EYS: variants seen among roughly 807,000 people sequenced by gnomAD.
EYS encodes the protein protein eyes shut homolog.
In EYS, 250 loss-of-function variants were observed where a neutral mutation model predicts 282.1. The ratio of observed to expected loss-of-function variants is 0.89; its 90% CI spans 0.80 to 0.98. EYS has a LOEUF of 0.98. Among genes scored for constraint, EYS ranks in the 50% least tolerant of loss-of-function variants. The pLI, the probability that EYS is intolerant of heterozygous loss-of-function variation, is 0.00. For missense variants in EYS, 4,016 were observed against 3,709.0 expected (o/e 1.08, Z -2.15); for synonymous variants, 1,355 against 1,282.9 (o/e 1.06, Z -1.20).
chr6:64,932,653 C>G (rs2150087925), intron 15 of EYS, among the ~76,000 whole-genome samples: 1 of 152,038 alleles, frequency 6.6e-6, no homozygotes, highest in Non-Finnish European at 1.5e-5. Context: ...CCTTGAGGCT[C>G]TATACAAGCA....
chr6:63,873,874 T>C (rs1040997665), intron 35 of EYS, among the ~76,000 whole-genome samples: 3 of 152,144 alleles, frequency 2.0e-5, no homozygotes, highest in African/African-American at 7.2e-5. Context: ...GTTTAAGTTC[T>C]TTGTAGATTC....
At chr6:64,769,362 C>T (rs1773456084) in intron 22 of EYS, among the ~76,000 whole-genome samples, 1 of 152,004 alleles carries the variant, frequency 6.6e-6, no homozygotes, top group Non-Finnish European at 1.5e-5. Flanking sequence ...TATTTGAATA[C>T]AACTCTATAG....
intron 12 of EYS, among the ~76,000 whole-genome samples, chr6:65,140,398 GTTTA>G (rs1764299016): frequency 1.3e-5 from 2 of 151,996 alleles, no homozygotes; most frequent in Admixed American, 1.3e-4. Context: ...TATAACAACA[GTTTA>G]TAAGATGTAA....
At chr6:63,924,342 G>A (rs141698506) in intron 35 of EYS, among the ~76,000 whole-genome samples, 72 of 152,268 alleles carry the variant, frequency 4.7e-4, no homozygotes, top group African/African-American at 1.6e-3. Flanking sequence ...CCCTTGAAAT[G>A]CTTCGTGTGG....
intron 7 of EYS, among the ~76,000 whole-genome samples, chr6:65,397,202 T>G (rs1331947250): frequency 6.6e-6 from 1 of 151,994 alleles, no homozygotes; most frequent in African/African-American, 2.4e-5. Context: ...ATTTATTTAT[T>G]TATTTTACAT....
chr6:64,858,460 T>C (rs1766136468), intron 19 of EYS, among the ~76,000 whole-genome samples: 1 of 152,100 alleles, frequency 6.6e-6, no homozygotes, highest in Non-Finnish European at 1.5e-5. Context: ...TTGATGTGTC[T>C]CTCTTTTTAT....
intron 14 of EYS, among the ~76,000 whole-genome samples, chr6:64,947,151 G>C (rs968252621): frequency 1.3e-5 from 2 of 151,706 alleles, no homozygotes; most frequent in African/African-American, 4.8e-5. Flanking sequence ...AATTAATGTT[G>C]ATTAAATAAA....
At chr6:64,565,054 T>A (rs1765521566) in intron 26 of EYS, among the ~76,000 whole-genome samples, 1 of 152,306 alleles carries the variant, frequency 6.6e-6, no homozygotes, top group East Asian at 1.9e-4. Context: ...GTATTTTGGA[T>A]GTTATCTTCT....
intron 22 of EYS, among the ~76,000 whole-genome samples, chr6:64,656,444 T>C (rs911004100): frequency 6.6e-6 from 1 of 152,120 alleles, no homozygotes; most frequent in Non-Finnish European, 1.5e-5. Flanking sequence ...AAGACAGGAA[T>C]ACCTTAGTTG....
At chr6:63,886,516 T>C (rs979902420) in intron 35 of EYS, among the ~76,000 whole-genome samples, 5 of 152,220 alleles carry the variant, frequency 3.3e-5, no homozygotes, top group African/African-American at 1.2e-4. Context: ...GAAGTAATGC[T>C]ATGCAAGTTT....
intron 22 of EYS, among the ~76,000 whole-genome samples, chr6:64,764,334 C>G (rs1196083434): frequency 6.6e-6 from 1 of 152,218 alleles, no homozygotes; most frequent in African/African-American, 2.4e-5. Flanking sequence ...TCTGCAGGCC[C>G]AACACCACGT....
chr6:64,103,952 A>G (rs1167745977), intron 31 of EYS, among the ~76,000 whole-genome samples: 1 of 152,162 alleles, frequency 6.6e-6, no homozygotes, highest in Non-Finnish European at 1.5e-5. Context: ...AAGGTGAAAC[A>G]GCAAAGTTTT....
chr6:65,314,563 T>TGTGTGTGTGC (rs1769249582), intron 11 of EYS, among the ~76,000 whole-genome samples: 1 of 18,136 alleles, frequency 5.5e-5, no homozygotes, highest in African/African-American at 1.4e-4. Flanking sequence ...CCCCTTATGG[T>TGTGTGTGTGC]GTGTGTGTGT....
chr6:64,065,626 T>C lies in EYS; in HGVS notation c.6725+712A>G, dbSNP rs537774808. Among the ~76,000 whole-genome samples the C allele has an allele frequency of 4.1e-4, 62 of 152,312 alleles. No homozygotes were observed. The Middle Eastern group carries it at 0.017, about 42-fold the overall frequency. ...TTTTCTACTGAGTTTTCTTTTTTTG[T>C]GCAGTCAATGGCTCCCACTAACCAA... On this transcript the variant is annotated intron_variant, in intron 33 of 42. Transcript: ENST00000503581.
At chr6:64,279,288 A>C (rs1768221851) in intron 30 of EYS, among the ~76,000 whole-genome samples, 1 of 152,250 alleles carries the variant, frequency 6.6e-6, no homozygotes, top group Non-Finnish European at 1.5e-5. Flanking sequence ...TAATATATAC[A>C]TTGTGGATTC....
At chr6:64,328,838 G>A (rs1222273407) in intron 29 of EYS, among the ~76,000 whole-genome samples, 2 of 152,114 alleles carry the variant, frequency 1.3e-5, no homozygotes, top group African/African-American at 4.8e-5. Context: ...GACAAGCTAG[G>A]TAAAACTAGG....
chr6:64,025,627 T>C (rs1257252584), intron 33 of EYS, among the ~76,000 whole-genome samples: 2 of 152,314 alleles, frequency 1.3e-5, no homozygotes, highest in East Asian at 3.9e-4. Context: ...GACATAATTT[T>C]TGCCCAAAGC....
At chr6:65,204,708 T>C (rs1765984716) in intron 12 of EYS, among the ~76,000 whole-genome samples, 1 of 151,510 alleles carries the variant, frequency 6.6e-6, no homozygotes, top group Admixed American at 6.6e-5. Flanking sequence ...AACATTCCAG[T>C]TAAATACCCT....
chr6:65,485,625 C>T (rs1038492789), intron 5 of EYS, among the ~76,000 whole-genome samples: 15 of 152,070 alleles, frequency 9.9e-5, no homozygotes, highest in Non-Finnish European at 1.8e-4. Context: ...GCCAACATGG[C>T]GAAATCCCGT....
Sources: allele counts gnomAD v4.1 joint callset (sites outside exome capture counted in the v4.1 genomes callset), GRCh38; gene constraint gnomAD v4.1.1; transcripts MANE v1.5; gene names NCBI Gene and HGNC (gene_info 2026-07-23, HGNC 2026-07-21).